The following RAVER2 variants were observed in gnomAD, a reference collection of about 807,000 sequenced individuals.
RAVER2 encodes the protein ribonucleoprotein PTB-binding 2.
Under a neutral mutation model 78.1 loss-of-function variants are expected in RAVER2, and 46 were observed. The observed-to-expected ratio is 0.59, with a 90% CI of 0.46 to 0.75. The LOEUF is 0.75. Ranked by LOEUF, RAVER2 falls within the 30% of genes least tolerant of loss-of-function variation. The pLI is 0.00. For synonymous variants in RAVER2, 311 were observed against 313.3 expected, an observed-to-expected ratio of 0.99 and a Z score of 0.08; for missense variants, 793 against 837.5, an observed-to-expected ratio of 0.95 and a Z score of 0.66.
exon 9 of RAVER2, chr1:64,807,465 A>G (rs750192325): frequency 6.2e-7 from 1 of 1,613,842 alleles, no homozygotes. Flanking sequence ...GCACAGAGAT[A>G]AGTTCAGGGG....
Position 64,824,932 on chromosome 1 carries a change from CAA to C in RAVER2, c.1930-5881_1930-5880del, listed in dbSNP as rs56179197. Among the ~76,000 whole-genome samples the C allele has an allele frequency of 2.7e-3, 214 of 79,380 alleles. 1 individual carries two copies. Among genetic ancestry groups the C allele is most frequent in the South Asian group, 0.011 (27 of 2,362 alleles). The allele number at this position is 79,380 out of a possible 152,430, so 52.1% of individuals were successfully genotyped here. A position where few individuals can be genotyped will look rare whatever the true frequency, so the allele number is the denominator to read the frequency against. ...GGCAACAGAGCGAGACCCTGTCTCCCAAAAAAAAAAAAAAAAAAAAAAAAAAA... is the reference window on the plus strand; with the variant it reads ...GGCAACAGAGCGAGACCCTGTCTCCCAAAAAAAAAAAAAAAAAAAAAAAAA... On this transcript the variant is annotated intron_variant, in intron 11 of 11. Transcript: ENST00000294428.
chr1:64,819,020 C>T (rs895319188), intron 11 of RAVER2, among the ~76,000 whole-genome samples: 15 of 152,050 alleles, frequency 9.9e-5, no homozygotes, highest in African/African-American at 3.4e-4. Context: ...TTAACTCCTT[C>T]TAGAACAAAA....
At chr1:64,815,063 T>C in intron 11 of RAVER2, 1 of 298,122 alleles carries the variant, frequency 3.4e-6, no homozygotes. Flanking sequence ...TACCTAGTGG[T>C]TGGCAAACTA....
chr1:64,759,281 G>A (rs909350739), intron 1 of RAVER2, among the ~76,000 whole-genome samples: 6 of 151,632 alleles, frequency 4.0e-5, no homozygotes, highest in Non-Finnish European at 5.9e-5. Flanking sequence ...GTGCAGTGGC[G>A]CGATCTTGGC....
chr1:64,788,178 AAAG>A (rs1300051682), intron 4 of RAVER2, among the ~76,000 whole-genome samples: 1 of 152,176 alleles, frequency 6.6e-6, no homozygotes, highest in Non-Finnish European at 1.5e-5. Flanking sequence ...CCTTTATAAA[AAAG>A]AAGATTTTGG....
At chr1:64,752,187 G>A (rs569412360) in intron 1 of RAVER2, among the ~76,000 whole-genome samples, 64 of 152,310 alleles carry the variant, frequency 4.2e-4, no homozygotes, top group Middle Eastern at 3.4e-3. Flanking sequence ...CACCAACAAG[G>A]CTCTCTCTTA....
intron 4 of RAVER2, among the ~76,000 whole-genome samples, chr1:64,786,119 TTGATGC>T (rs1346029114): frequency 6.6e-6 from 1 of 152,228 alleles, no homozygotes; most frequent in Non-Finnish European, 1.5e-5. Context: ...GAATCTAATG[TTGATGC>T]TTTGAGAAAG....
At chr1:64,784,202 G>A (rs1470607045) in intron 4 of RAVER2, among the ~76,000 whole-genome samples, 4 of 152,124 alleles carry the variant, frequency 2.6e-5, no homozygotes, top group Non-Finnish European at 5.9e-5. Context: ...TGGGAAACAT[G>A]GTGAAGCCCT....
exon 12 of RAVER2, chr1:64,833,117 G>A (rs1443218730): frequency 3.3e-5 from 6 of 182,114 alleles, no homozygotes; most frequent in African/African-American, 1.4e-4. Context: ...TAGTAGTAAG[G>A]ACCGTAACCC....
intron 11 of RAVER2, among the ~76,000 whole-genome samples, chr1:64,828,925 CTG>C (rs1354816268): frequency 2.0e-5 from 3 of 152,280 alleles, no homozygotes; most frequent in African/African-American, 7.2e-5. Context: ...CATACCATGT[CTG>C]TCTCTTTTTG....
intron 2 of RAVER2, among the ~76,000 whole-genome samples, chr1:64,774,528 G>C (rs1230337707): frequency 6.6e-6 from 1 of 152,108 alleles, no homozygotes; most frequent in East Asian, 1.9e-4. Context: ...CTGTTCCATT[G>C]GTCTGTGTAT....
In RAVER2 at chr1:64,818,348, A is replaced by G. The variant is rs977912480; in HGVS notation, c.1929+3508A>G. On this transcript the variant is annotated intron_variant, in intron 11 of 11. Transcript: ENST00000294428. ...TCAGGAGATCGAGACCATCCTGGCT[A>G]ACATGGTGAAACCCCATCTCCACTA... Among the ~76,000 whole-genome samples, 23 of 152,284 alleles carry G rather than the reference A, an allele frequency of 1.5e-4. 1 individual carries two copies. The highest frequency in any genetic ancestry group is 3.2e-4 in the Non-Finnish European group (22 of 68,016).
chr1:64,788,890 A>G (rs1443519389), intron 4 of RAVER2, among the ~76,000 whole-genome samples: 1 of 152,144 alleles, frequency 6.6e-6, no homozygotes, highest in Non-Finnish European at 1.5e-5. Flanking sequence ...TTGTAAAAAT[A>G]TAGAAACAGG....
At chr1:64,785,436 C>T (rs936704607) in intron 4 of RAVER2, among the ~76,000 whole-genome samples, 2 of 145,620 alleles carry the variant, frequency 1.4e-5, no homozygotes, top group African/African-American at 5.1e-5. Context: ...GTGGCACGAT[C>T]TTGGCTCACT....
chr1:64,797,090 T>G lies in RAVER2; in HGVS notation c.1106-5886T>G, dbSNP rs1653115795. 1.3e-5 allele frequency among the ~76,000 whole-genome samples: 2 copies of G among 152,216 alleles called. 1 individual carries two copies. The highest frequency in any genetic ancestry group is 2.9e-5 in the Non-Finnish European group (2 of 68,022). On this transcript the variant is annotated intron_variant, in intron 5 of 11. Transcript: ENST00000294428. ...GATGATACTTTGTACAATTTAAATT[T>G]ATAAATTAGAATTTAGACTTGTTTC...
intron 8 of RAVER2, 27 bp from the exon 9 acceptor site, chr1:64,807,179 G>C (rs762611776): frequency 6.3e-7 from 1 of 1,588,930 alleles, no homozygotes; most frequent in South Asian, 1.1e-5. Context: ...CTAACTAAAA[G>C]CTTTTTGCAT....
At chr1:64,801,047 A>C (rs932065720) in intron 5 of RAVER2, among the ~76,000 whole-genome samples, 1 of 150,040 alleles carries the variant, frequency 6.7e-6, no homozygotes, top group African/African-American at 2.4e-5. Context: ...TGTTGCCAGA[A>C]CCTTTTCTGG....
intron 11 of RAVER2, among the ~76,000 whole-genome samples, chr1:64,823,456 C>T (rs969890036): frequency 3.9e-5 from 6 of 152,116 alleles, no homozygotes; most frequent in African/African-American, 1.2e-4. Context: ...TTGTAGTATA[C>T]ACTCTAGCAG....
At chr1:64,812,492 A>G (rs1653641897) in intron 9 of RAVER2, among the ~76,000 whole-genome samples, 1 of 152,146 alleles carries the variant, frequency 6.6e-6, no homozygotes, top group Non-Finnish European at 1.5e-5. Flanking sequence ...TTCCTGGTTC[A>G]AATGAGAAGG....
Sources: allele counts gnomAD v4.1 joint callset (sites outside exome capture counted in the v4.1 genomes callset), GRCh38; gene constraint gnomAD v4.1.1; transcripts MANE v1.5; gene names NCBI Gene and HGNC (gene_info 2026-07-23, HGNC 2026-07-21).